Variants in CABIN1 observed in about 807,000 individuals in gnomAD.
CABIN1 encodes the protein calcineurin-binding protein cabin-1.
A neutral mutation model predicts 227.7 loss-of-function variants in CABIN1; 133 were observed. The observed-to-expected ratio is 0.58, with a 90% confidence interval of 0.51 to 0.67. The LOEUF (loss-of-function observed/expected upper bound fraction) is 0.67. Ranked by LOEUF, CABIN1 falls within the 30% of genes least tolerant of loss-of-function variation. The pLI is 0.00. For missense variants in CABIN1, 2,408 were observed against 2,852.5 expected, an observed-to-expected ratio of 0.84 and a Z score of 3.55; for synonymous variants, 1,086 against 1,155.1, an observed-to-expected ratio of 0.94 and a Z score of 1.21.
intron 17 of CABIN1, 139 bp downstream of exon 17, chr22:24,071,181 C>T (rs907213708): frequency 1.4e-5 from 17 of 1,234,684 alleles, no homozygotes; most frequent in South Asian, 3.9e-5. Context: ...TTGGAACTTT[C>T]GGGATCTGAG....
At chr22:24,160,394 T>A (rs2148615792) in intron 29 of CABIN1, 1 of 151,514 alleles carries the variant, frequency 6.6e-6, no homozygotes, top group South Asian at 2.1e-4. Context: ...CTAGAAGGAG[T>A]CATGACTGAA....
At chr22:24,063,864 T>C (rs1342134825) in intron 14 of CABIN1, among the ~76,000 whole-genome samples, 171 bp from the exon 15 acceptor site, 1 of 152,164 alleles carries the variant, frequency 6.6e-6, no homozygotes, top group Non-Finnish European at 1.5e-5. Context: ...TCAACAAGTA[T>C]TTATTGAGCC....
At chr22:24,077,168 C>T (rs924498099) in intron 19 of CABIN1, among the ~76,000 whole-genome samples, 1 of 152,188 alleles carries the variant, frequency 6.6e-6, no homozygotes, top group Non-Finnish European at 1.5e-5. Flanking sequence ...CAACTGCACC[C>T]TCCCTCCCAG....
chr22:24,167,414 C>A, intron 32 of CABIN1, 101 bp downstream of exon 32: 2 of 1,192,266 alleles, frequency 1.7e-6, no homozygotes, highest in East Asian at 2.5e-5. Flanking sequence ...GCCCTTGGGG[C>A]GGGTTTTAGG....
chr22:24,151,195 G>A (rs2045463321), intron 29 of CABIN1, among the ~76,000 whole-genome samples: 1 of 152,120 alleles, frequency 6.6e-6, no homozygotes, highest in African/African-American at 2.4e-5. Flanking sequence ...CCCGCTACCT[G>A]TTCAGCTTGG....
intron 24 of CABIN1, among the ~76,000 whole-genome samples, chr22:24,093,270 G>T (rs965884309): frequency 6.6e-6 from 1 of 152,226 alleles, no homozygotes; most frequent in African/African-American, 2.4e-5. Context: ...TCTCATTTTG[G>T]CTAGGTATGG....
intron 26 of CABIN1, among the ~76,000 whole-genome samples, chr22:24,102,555 G>A (rs1453105869): frequency 1.3e-5 from 2 of 152,204 alleles, no homozygotes; most frequent in African/African-American, 2.4e-5. Flanking sequence ...CATAGCTGAG[G>A]GTTGGGGGTC....
chr22:24,056,740 G>T (rs35980052), intron 10 of CABIN1, among the ~76,000 whole-genome samples: 2,873 of 152,272 alleles, frequency 0.019, 34 homozygotes, highest in Non-Finnish European at 0.026. Context: ...CAGGGAGTCC[G>T]TGTCTACTTG....
At chr22:24,072,939 G>A (rs752421332) in intron 18 of CABIN1, among the ~76,000 whole-genome samples, 2 of 152,202 alleles carry the variant, frequency 1.3e-5, no homozygotes, top group Non-Finnish European at 2.9e-5. Context: ...CCTTGGGCAA[G>A]TCATATAACT....
At chr22:24,019,898 C>T (rs1248938559) in intron 1 of CABIN1, among the ~76,000 whole-genome samples, 1 of 152,070 alleles carries the variant, frequency 6.6e-6, no homozygotes, top group Non-Finnish European at 1.5e-5. Flanking sequence ...CTCAGATGAT[C>T]CACTCACCTC....
chr22:24,072,443 C>G lies in CABIN1; in HGVS notation c.2565C>G (p.Ile855Met). The G allele has an allele frequency of 6.2e-7, 1 of 1,614,212 alleles. No homozygotes were observed. Among genetic ancestry groups the G allele is most frequent in the Non-Finnish European group, 8.5e-7 (1 of 1,180,034 alleles). Residue 855 changes from isoleucine to methionine, a missense_variant, in exon 18 of 37, where the codon ATC becomes ATG. Physicochemically the swap from Ile to Met is conservative, Grantham distance 10. Around this residue, in one of 3 missense-constraint regions of CABIN1, gnomAD observed 1,045 missense variants for 1,168.4 expected, o/e 0.89. Coordinates refer to ENST00000263119, the MANE Select transcript of CABIN1 (RefSeq NM_012295.4). ...CCTGGATCATTCTACACCGGATCATCTGGCAGGAGGAAGACACCTTCCATT... is the reference window on the plus strand; with the variant it reads ...CCTGGATCATTCTACACCGGATCATGTGGCAGGAGGAAGACACCTTCCATT... ...VLPWIILHRI[I>M]WQEEDTFHSL...
chr22:24,126,669 G>A (rs938927169), intron 28 of CABIN1, among the ~76,000 whole-genome samples: 2 of 152,174 alleles, frequency 1.3e-5, no homozygotes, highest in African/African-American at 4.8e-5. Context: ...TTTGGCAGGG[G>A]AGGATTTGAG....
intron 24 of CABIN1, among the ~76,000 whole-genome samples, chr22:24,092,687 AGT>A (rs3221282): frequency 0.071 from 9,914 of 138,708 alleles, 374 homozygotes; most frequent in African/African-American, 0.099. Flanking sequence ...TGATTATAAA[AGT>A]GTGTGTGTGT....
intron 1 of CABIN1, among the ~76,000 whole-genome samples, chr22:24,013,184 A>C (rs1216245334): frequency 8.2e-6 from 1 of 121,602 alleles, no homozygotes; most frequent in African/African-American, 3.1e-5. Flanking sequence ...CAAAATGGTT[A>C]TTTCTTTTTA....
At chr22:24,063,223 GGTGTGTGTGTGTATGT>G (rs1336023174) in intron 14 of CABIN1, 77 bp downstream of exon 14, 28 of 1,430,906 alleles carry the variant, frequency 2.0e-5, no homozygotes, top group Non-Finnish European at 2.5e-5. Context: ...CCATGTTGAG[GGTGTGTGTGTGTATGT>G]GTGTGTGTGT....
intron 27 of CABIN1, among the ~76,000 whole-genome samples, chr22:24,113,976 C>G (rs1296599492): frequency 6.6e-6 from 1 of 152,216 alleles, no homozygotes; most frequent in African/African-American, 2.4e-5. Context: ...ACCACATGTG[C>G]TCAGGGATGC....
chr22:24,072,028 A>G (rs1483897024), intron 17 of CABIN1, among the ~76,000 whole-genome samples: 1 of 151,828 alleles, frequency 6.6e-6, no homozygotes, highest in East Asian at 1.9e-4. Context: ...GACTCTTTGC[A>G]CTTGTGTAGC....
chr22:24,156,285 G>A (rs1444433869), intron 29 of CABIN1, among the ~76,000 whole-genome samples: 1 of 152,068 alleles, frequency 6.6e-6, no homozygotes, highest in Non-Finnish European at 1.5e-5. Flanking sequence ...TTTCCCCGGC[G>A]CCCCCGCGGA....
At chr22:24,045,031 C>T (rs1223063523) in intron 6 of CABIN1, among the ~76,000 whole-genome samples, 6 of 151,838 alleles carry the variant, frequency 4.0e-5, no homozygotes, top group East Asian at 1.9e-4. Context: ...GCCATTCTCC[C>T]GCCTCAGCCT....
Sources: gnomAD v4.1 joint callset for allele counts (sites outside exome capture counted in the v4.1 genomes callset) on GRCh38, gnomAD v4.1.1 for gene constraint, gnomAD v4.1.1 regional missense constraint, MANE v1.5 for transcripts, NCBI Gene and HGNC (gene_info 2026-07-23, HGNC 2026-07-21) for gene names.